The following VAV1 variants were observed in gnomAD, a reference collection of about 807,000 sequenced individuals.
VAV1 encodes vav guanine nucleotide exchange factor 1.
Under a neutral mutation model 128.1 loss-of-function variants are expected in VAV1, and 33 were observed. That is an observed-to-expected ratio of 0.26 (90% CI 0.20 to 0.34). VAV1 has a LOEUF of 0.34. Ranked by LOEUF, VAV1 falls within the 10% of genes least tolerant of loss-of-function variation. The probability of loss-of-function intolerance (pLI) is 1.00; values close to 1 mark genes in which losing one functional copy is unlikely to be tolerated. For synonymous variants in VAV1, 394 were observed against 409.8 expected, an observed-to-expected ratio of 0.96 and a Z score of 0.47; for missense variants, 715 against 1,093.7, an observed-to-expected ratio of 0.65 and a Z score of 4.88.
intron 21 of VAV1, among the ~76,000 whole-genome samples, chr19:6,838,295 T>TATC (rs1972275172): frequency 6.9e-6 from 1 of 145,566 alleles, no homozygotes; most frequent in Non-Finnish European, 1.5e-5. Context: ...CATCTACATA[T>TATC]TATCTATCTA....
intron 1 of VAV1, among the ~76,000 whole-genome samples, chr19:6,779,941 C>T (rs1280298335): frequency 6.7e-6 from 1 of 149,106 alleles, no homozygotes; most frequent in East Asian, 1.9e-4. Flanking sequence ...GAAACCCCGT[C>T]TCTACTAAAA....
chr19:6,816,453 C>G (rs1455391149), intron 1 of VAV1: 3 of 149,604 alleles, frequency 2.0e-5, no homozygotes, highest in Non-Finnish European at 4.4e-5. Context: ...CATCGCTGCA[C>G]TCCAGCCTGG....
chr19:6,803,071 T>C (rs1971308975), intron 1 of VAV1, among the ~76,000 whole-genome samples: 1 of 152,192 alleles, frequency 6.6e-6, no homozygotes, highest in African/African-American at 2.4e-5. Flanking sequence ...AGGCAAGCCC[T>C]AAATTGGGGC....
intron 23 of VAV1, among the ~76,000 whole-genome samples, chr19:6,849,848 T>C (rs962564876): frequency 3.3e-5 from 5 of 152,188 alleles, no homozygotes; most frequent in Non-Finnish European, 7.3e-5. Context: ...GATGGGCACC[T>C]GGGTCGATCC....
intron 6 of VAV1, among the ~76,000 whole-genome samples, chr19:6,824,591 G>T (rs971900419): frequency 2.0e-5 from 3 of 152,058 alleles, no homozygotes; most frequent in Admixed American, 6.6e-5. Flanking sequence ...GAGTGCAGTG[G>T]CGTGATCTCA....
rs556144151 is a variant in VAV1 at position 6,822,104 on chromosome 19, G to A, written c.450-117G>A. ...GCTTGGAGGGACATGGCCTGCCCTT[G>A]GAGTCTGAGGTCCCACCCTTGGAGT... is the stretch of plus-strand genomic sequence containing the variant. On this transcript the variant is annotated intron_variant, in intron 4 of 26. Transcript: ENST00000602142. This position sits in a 1 kb window ranked among gnomAD's most constrained non-coding sequence, Gnocchi z 5.9. 2 of 1,109,298 alleles carry A rather than the reference G, an allele frequency of 1.8e-6. No homozygotes were observed. The highest frequency in any genetic ancestry group is 2.6e-6 in the Non-Finnish European group (2 of 762,746). 68.7% of individuals were successfully genotyped at this position (1,109,298 alleles called of 1,614,324 possible).
At chr19:6,808,506 A>C (rs1325300924) in intron 1 of VAV1, among the ~76,000 whole-genome samples, 2 of 152,208 alleles carry the variant, frequency 1.3e-5, no homozygotes, top group South Asian at 4.1e-4. Flanking sequence ...GAGCTTAATC[A>C]GTCCAAGGCT....
At chr19:6,852,040 G>A (rs1972682906) in intron 24 of VAV1, among the ~76,000 whole-genome samples, 1 of 152,110 alleles carries the variant, frequency 6.6e-6, no homozygotes, top group South Asian at 2.1e-4. Flanking sequence ...AAGAGACAGG[G>A]TCTTGCTCTG....
chr19:6,832,434 T>C (rs1463699559), intron 15 of VAV1, among the ~76,000 whole-genome samples: 1 of 151,298 alleles, frequency 6.6e-6, no homozygotes, highest in African/African-American at 2.4e-5. Context: ...TCCTCCTCTT[T>C]CTTGTTCTCC....
chr19:6,801,341 C>T lies in VAV1; in HGVS notation c.205-19361C>T, dbSNP rs74176207. On this transcript the variant is annotated intron_variant, in intron 1 of 26. Transcript: ENST00000602142. ...AAAGCAAAATGATCCCATCCAAGCT[C>T]CCTCAACTTGCCGGGCTGGTCTGGG... Among the ~76,000 whole-genome samples, 330 of 152,264 alleles carry T rather than the reference C, an allele frequency of 2.2e-3. 1 individual carries two copies. The highest frequency in any genetic ancestry group is 3.8e-3 in the Non-Finnish European group (259 of 68,022).
chr19:6,796,245 G>C lies in VAV1; in HGVS notation c.204+23234G>C, dbSNP rs144806213. Among the ~76,000 whole-genome samples, 62 of 152,316 alleles carry C rather than the reference G, an allele frequency of 4.1e-4. No homozygotes were observed. In the East Asian group the frequency reaches 0.012, roughly 28 times the overall value. ...CCTTCAGCCTGACTTGCTATTGAGTGTGTACTCGAGAGAGAGGTGGGAGAA... is the reference window on the plus strand; with the variant it reads ...CCTTCAGCCTGACTTGCTATTGAGTCTGTACTCGAGAGAGAGGTGGGAGAA... On this transcript the variant is annotated intron_variant, in intron 1 of 26. Transcript: ENST00000602142.
At chr19:6,840,892 A>G (rs2562717) in intron 21 of VAV1, among the ~76,000 whole-genome samples, 113,300 of 151,844 alleles carry the variant, frequency 0.75, 43,426 homozygotes, top group Non-Finnish European at 0.84. Context: ...TGATTCTCCC[A>G]CTTCAGCCTC....
At position 6,828,504 on chromosome 19, in the gene VAV1, T is replaced by A; in HGVS notation, c.1092+17T>A. ...GCCATGAGGGTGAGTGGGTGTAGGG[T>A]GCTGGTGACTCACCTGCTGCAGACA... On this transcript the variant is annotated intron_variant, in intron 11 of 26. Coordinates refer to ENST00000602142, the MANE Select transcript of VAV1 (RefSeq NM_005428.4). The surrounding 1 kb of genome is among the most constrained non-coding windows in gnomAD (Gnocchi z 4.5). The A allele has an allele frequency of 6.2e-7, 1 of 1,613,624 alleles. No homozygotes were observed.
At chr19:6,833,151 C>T (rs201184602) in intron 15 of VAV1, 33 bp from the exon 16 acceptor site, 26 of 1,420,364 alleles carry the variant, frequency 1.8e-5, no homozygotes, top group African/African-American at 1.5e-4. Flanking sequence ...TACTGACCTT[C>T]TTTTTTTTTT....
At chr19:6,785,036 C>A (rs1970856359) in intron 1 of VAV1, among the ~76,000 whole-genome samples, 1 of 152,232 alleles carries the variant, frequency 6.6e-6, no homozygotes, top group African/African-American at 2.4e-5. Flanking sequence ...GCTCTCTGCA[C>A]CGCAGCCAAA....
chr19:6,775,438 A>G (rs538488879), intron 1 of VAV1, among the ~76,000 whole-genome samples: 1 of 152,332 alleles, frequency 6.6e-6, no homozygotes, highest in Non-Finnish European at 1.5e-5. Flanking sequence ...CTCCAAATAC[A>G]GTCCTAATCC....
At chr19:6,795,376 G>A (rs1364418568) in intron 1 of VAV1, among the ~76,000 whole-genome samples, 1 of 152,058 alleles carries the variant, frequency 6.6e-6, no homozygotes, top group Non-Finnish European at 1.5e-5. Flanking sequence ...TATCGCTCGC[G>A]AAATAGGAGC....
chr19:6,843,294 C>T lies in VAV1; in HGVS notation c.2012+128C>T, dbSNP rs1972425615. On this transcript the variant is annotated intron_variant, in intron 22 of 26. Transcript: ENST00000602142. ...GATCCCTGAGCACCGACTTCTGAAT[C>T]TAGCTCTGGGCTGGGGGCTGCTGGG... 1.3e-5 allele frequency: 14 copies of T among 1,093,242 alleles called. No individual in the cohort carries two copies. In the South Asian group the frequency reaches 1.5e-4, roughly 12 times the overall value. 67.7% of individuals were successfully genotyped at this position (1,093,242 alleles called of 1,614,324 possible). A position where few individuals can be genotyped will look rare whatever the true frequency, so the allele number is the denominator to read the frequency against.
chr19:6,804,435 G>A (rs1413533706), intron 1 of VAV1, among the ~76,000 whole-genome samples: 1 of 150,006 alleles, frequency 6.7e-6, no homozygotes, highest in East Asian at 1.9e-4. Context: ...TATTTATTTA[G>A]AGACAGAGTC....
Sources: gnomAD v4.1 joint callset for allele counts (sites outside exome capture counted in the v4.1 genomes callset) on GRCh38, gnomAD v4.1.1 for gene constraint, Gnocchi (gnomAD v3.1) non-coding constraint, MANE v1.5 for transcripts, NCBI Gene and HGNC (gene_info 2026-07-23, HGNC 2026-07-21) for gene names.